Variants in ZNF615 observed in about 807,000 individuals in gnomAD.
ZNF615 encodes zinc finger protein 615.
ZNF615 carries 15 observed loss-of-function variants against 15.3 expected under a neutral mutation model. That is an observed-to-expected ratio of 0.98 (90% confidence interval 0.66 to 1.51). ZNF615 has a LOEUF of 1.51. Among genes scored for constraint, ZNF615 ranks in the 40% most tolerant of loss-of-function variants. The pLI is 0.00. For synonymous variants in ZNF615, 268 were observed against 294.6 expected (o/e 0.91, Z 0.92); for missense variants, 848 against 895.9 (o/e 0.95, Z 0.68).
Position 51,993,423 on chromosome 19 carries a change from C to T in ZNF615, c.1686G>A (p.Glu562=), listed in dbSNP as rs752266012. ...GCCGATGTACATTGAGATGACTCTT[C>T]TCAGTGAAGCCTTTTCCACACTCAT... ...ICNECGKGFT[E]KSHLNVHRRT... is the part of the protein sequence containing the mutation. Residue 562 remains glutamate, a synonymous_variant, in exon 7 of 7, where the codon GAG becomes GAA. Coordinates refer to ENST00000598071, the MANE Select transcript of ZNF615 (RefSeq NM_001199324.2). 1.2e-6 allele frequency: 2 copies of T among 1,614,100 alleles called. No homozygotes were observed. The highest frequency in any genetic ancestry group is 1.1e-5 in the South Asian group (1 of 91,078).
chr19:52,005,799 T>C (rs1388865402), intron 2 of ZNF615, among the ~76,000 whole-genome samples: 1 of 152,200 alleles, frequency 6.6e-6, no homozygotes, highest in African/African-American at 2.4e-5. Context: ...GTCTAGAATG[T>C]CACTCAGTAG....
Position 51,993,960 on chromosome 19 carries a change from A to G in ZNF615, c.1149T>C (p.Phe383=). The G allele has an allele frequency of 6.2e-7, 1 of 1,612,218 alleles. No homozygotes were observed. The change falls in exon 7 of 7, where the codon TTT becomes TTC. Residue 383 remains phenylalanine, a synonymous_variant. Transcript: ENST00000598071. ...HHRTHTGEKP[F]ICNKCGKGFT... ...AGCCTTTCCCACATTTATTGCATAT[A>G]AAGGGTTTCTCACCAGTATGAGTTC...
In ZNF615 at chr19:51,993,685, C is replaced by A. The variant is rs780002881; in HGVS notation, c.1424G>T (p.Gly475Val). Reference protein sequence around the residue: ...KPYVCTECRKGFTMKSDLIVH... With the variant: ...KPYVCTECRKVFTMKSDLIVH... ...AATGAGGTCACTCTTCATGGTGAAA[C>A]CTTTTCGACATTCGGTGCATACATA... The change falls in exon 7 of 7, where the codon GGT becomes GTT. Residue 475 changes from glycine to valine, a missense_variant. By Grantham distance (109) the Gly-to-Val change is moderately radical. Coordinates refer to ENST00000598071, the MANE Select transcript of ZNF615 (RefSeq NM_001199324.2). 1 of 1,614,016 alleles carries A rather than the reference C, an allele frequency of 6.2e-7. No homozygotes were observed. The highest frequency in any genetic ancestry group is 8.5e-7 in the Non-Finnish European group (1 of 1,180,002).
chr19:52,006,059 T>C lies in ZNF615; in HGVS notation c.-190+1234A>G, dbSNP rs183602799. Among the ~76,000 whole-genome samples the C allele has an allele frequency of 6.6e-4, 100 of 152,316 alleles. No individual in the cohort carries two copies. In the East Asian group the frequency reaches 0.014, roughly 21 times the overall value. Reference sequence around the variant, plus strand: ...ACCTGGTAACCCAAAACCCCATTCCTAAAACTTTCTTAAAAGGTAATATTG... The same window carrying C: ...ACCTGGTAACCCAAAACCCCATTCCCAAAACTTTCTTAAAAGGTAATATTG... On this transcript the variant is annotated intron_variant, in intron 2 of 6. Transcript: ENST00000598071.
At chr19:51,996,598 T>C (rs560136351) in intron 6 of ZNF615, among the ~76,000 whole-genome samples, 5 of 152,224 alleles carry the variant, frequency 3.3e-5, no homozygotes, top group Admixed American at 2.0e-4. Flanking sequence ...CGAAAAGGCC[T>C]TATCTGGAAA....
intron 3 of ZNF615, 45 bp downstream of exon 3, chr19:52,003,652 A>T (rs780124085): frequency 4.1e-5 from 64 of 1,560,272 alleles, no homozygotes; most frequent in Middle Eastern, 3.4e-4. Flanking sequence ...GACTTTAAAA[A>T]TACATTGGAG....
In ZNF615 at chr19:51,993,322, G is replaced by T; in HGVS notation, c.1787C>A (p.Ala596Glu). The T allele has an allele frequency of 6.2e-7, 1 of 1,610,586 alleles. No homozygotes were observed. The highest frequency in any genetic ancestry group is 8.5e-7 in the Non-Finnish European group (1 of 1,178,862). ...KGLTGKSMLIAHQRTHTGEKP... is the reference protein window; with the variant it reads ...KGLTGKSMLIEHQRTHTGEKP... ...CTCCCCAGTATGAGTTCGCTGATGT[G>T]CAATGAGCATGCTTTTCCCAGTTAA... Residue 596 changes from alanine to glutamate, a missense_variant, in exon 7 of 7, where the codon GCA becomes GAA. Physicochemically the swap from Ala to Glu is moderately radical, Grantham distance 107. Coordinates refer to ENST00000598071, the MANE Select transcript of ZNF615 (RefSeq NM_001199324.2).
intron 6 of ZNF615, chr19:52,000,077 A>G (rs1378490685): frequency 2.9e-6 from 1 of 343,258 alleles, no homozygotes; most frequent in Non-Finnish European, 5.2e-6. Flanking sequence ...TTGCAGCAAC[A>G]TGGATGCAGC....
In ZNF615 at chr19:51,993,733, C is replaced by A. The variant is rs750323833; in HGVS notation, c.1376G>T (p.Arg459Leu). ...ATAGGGTTTCTCTCCAGTATGTGTT[C>A]GCTGATGTCTGATGAGTGGGCTCTT... ...ALKSPLIRHQRTHTGEKPYVC... is the reference protein window; with the variant it reads ...ALKSPLIRHQLTHTGEKPYVC... The change falls in exon 7 of 7, where the codon CGA becomes CTA. Residue 459 changes from arginine to leucine, a missense_variant. Arg to Leu is a moderately radical substitution (Grantham distance 102, BLOSUM62 -2). Coordinates refer to ENST00000598071, the MANE Select transcript of ZNF615 (RefSeq NM_001199324.2). The A allele has an allele frequency of 1.9e-6, 3 of 1,613,886 alleles. No individual in the cohort carries two copies. In the Admixed American group the frequency reaches 5.0e-5, roughly 27 times the overall value.
rs775285833 is a variant in ZNF615, at chr19:52,002,178, T to C, written c.119A>G (p.Asn40Ser). The C allele has an allele frequency of 6.2e-7, 1 of 1,614,198 alleles. No individual in the cohort carries two copies. The highest frequency in any genetic ancestry group is 2.2e-5 in the East Asian group (1 of 44,880). ...KDLYRDVMLE[N>S]YSNLVAVGYQ... ...ACCCACTGCCACCAGGTTGCTGTAGTTCTCCAACATCACGTCCCGGTACAG... is the reference window on the plus strand; with the variant it reads ...ACCCACTGCCACCAGGTTGCTGTAGCTCTCCAACATCACGTCCCGGTACAG... The change falls in exon 4 of 7, where the codon AAC (asparagine) becomes AGC (serine). Residue 40 changes from asparagine to serine, a missense_variant. By Grantham distance (46) the Asn-to-Ser change is conservative. Transcript: ENST00000598071.
chr19:52,003,733 G>A lies in ZNF615; in HGVS notation c.-22C>T, dbSNP rs769241616. The A allele has an allele frequency of 8.7e-6, 14 of 1,611,660 alleles. No individual in the cohort carries two copies. The highest frequency in any genetic ancestry group is 3.3e-5 in the Admixed American group (2 of 59,752). ...TCATTGTCTCCTAAATTTGGGAAAT[G>A]ACTGCTAACTTGGACGTTCTGTATT... On this transcript the variant is annotated 5_prime_UTR_variant, in exon 3 of 7. Transcript: ENST00000598071.
intron 2 of ZNF615, among the ~76,000 whole-genome samples, chr19:52,005,128 G>A (rs947047502): frequency 7.9e-5 from 12 of 152,024 alleles, no homozygotes; most frequent in South Asian, 2.1e-4. Context: ...GCATGGTAGC[G>A]CGTGCCTATA....
chr19:52,008,025 C>A, intron 1 of ZNF615, 116 bp downstream of exon 1: 1 of 975,634 alleles, frequency 1.0e-6, no homozygotes, highest in Non-Finnish European at 1.5e-6. Context: ...CCACTGGCGT[C>A]GCCAAACGCT....
intron 6 of ZNF615, among the ~76,000 whole-genome samples, chr19:51,997,555 G>A (rs1427965736): frequency 6.6e-6 from 1 of 152,184 alleles, no homozygotes; most frequent in East Asian, 1.9e-4. Context: ...ACAATGATTT[G>A]CAGCAAAGTG....
At position 51,993,074 on chromosome 19, in the gene ZNF615, T is replaced by C. The variant is rs1191477116; in HGVS notation, c.2035A>G (p.Ile679Val). ...CCTGTGTGAATTCTCTGATGTGTAATAAGATCATTTTTGCGCAAAGAGAAT... is the reference window on the plus strand; with the variant it reads ...CCTGTGTGAATTCTCTGATGTGTAACAAGATCATTTTTGCGCAAAGAGAAT... ...GKFSLRKNDLITHQRIHTGEK... is the reference protein window; with the variant it reads ...GKFSLRKNDLVTHQRIHTGEK... The change falls in exon 7 of 7, where the codon ATT becomes GTT. Residue 679 changes from isoleucine (I) to valine (V), a missense_variant. Coordinates refer to ENST00000598071, the MANE Select transcript of ZNF615 (RefSeq NM_001199324.2). 6.2e-7 allele frequency: 1 copy of C among 1,614,222 alleles called. No individual in the cohort carries two copies. The highest frequency in any genetic ancestry group is 1.7e-5 in the Admixed American group (1 of 60,028).
chr19:51,994,936 A>C (rs1190301024), intron 6 of ZNF615, 99 bp from the exon 7 acceptor site: 1 of 1,099,928 alleles, frequency 9.1e-7, no homozygotes, highest in East Asian at 2.7e-5. Flanking sequence ...GTGACTCTTT[A>C]GTGAAAACCC....
At chr19:52,007,968 T>A in intron 1 of ZNF615, 173 bp downstream of exon 1, 1 of 620,712 alleles carries the variant, frequency 1.6e-6, no homozygotes, top group Non-Finnish European at 2.8e-6. Flanking sequence ...CCTCTTGTAG[T>A]TCCCCTGCGA....
chr19:52,008,059 CA>C, intron 1 of ZNF615, 81 bp downstream of exon 1: 6 of 1,341,558 alleles, frequency 4.5e-6, no homozygotes, highest in Non-Finnish European at 6.2e-6. Context: ...ACCAGTCCAT[CA>C]CCACTGTCCA....
rs1323857004 is a variant in ZNF615 at position 51,993,853 on chromosome 19, C to A, written c.1256G>T (p.Gly419Val). The A allele has an allele frequency of 1.2e-6, 2 of 1,614,082 alleles. No individual in the cohort carries two copies. The change falls in exon 7 of 7, where the codon GGC (glycine) becomes GTC (valine). Residue 419 changes from glycine to valine, a missense_variant. Gly to Val is a moderately radical substitution (Grantham distance 109, BLOSUM62 -3). Transcript: ENST00000598071. The stretch of plus-strand genomic sequence containing the variant: ...CATGAGACAGTGCTTCATTGAAAAG[C>A]CTTTTCCACATTCACTACATGTATA... ...KLYTCSECGK[G>V]FSMKHCLMVH...
Sources: allele counts gnomAD v4.1 joint callset (sites outside exome capture counted in the v4.1 genomes callset), GRCh38; gene constraint gnomAD v4.1.1; transcripts MANE v1.5; gene names NCBI Gene and HGNC (gene_info 2026-07-23, HGNC 2026-07-21).